The following COL22A1 variants were observed in gnomAD, a reference collection of about 807,000 sequenced individuals.
COL22A1 encodes collagen type XXII alpha 1 chain.
COL22A1 carries 221 observed loss-of-function variants against 248.9 expected under a neutral mutation model. The ratio of observed to expected loss-of-function variants is 0.89; its 90% confidence interval spans 0.80 to 0.99. The LOEUF (loss-of-function observed/expected upper bound fraction) is 0.99, where lower values mean the gene tolerates loss of function less well. Among genes scored for constraint, COL22A1 ranks in the 50% least tolerant of loss-of-function variants. COL22A1 has a pLI of 0.00. For synonymous variants in COL22A1, 891 were observed against 793.4 expected, an observed-to-expected ratio of 1.12 and a Z score of -2.07; for missense variants, 2,240 against 2,179.0, an observed-to-expected ratio of 1.03 and a Z score of -0.56.
chr8:138,906,186 C>T (rs185961969), intron 1 of COL22A1, among the ~76,000 whole-genome samples: 344 of 152,118 alleles, frequency 2.3e-3, no homozygotes, highest in Middle Eastern at 6.8e-3. Flanking sequence ...CTGGCTGACA[C>T]GGTGAAACCC....
intron 41 of COL22A1, among the ~76,000 whole-genome samples, chr8:138,670,976 A>AG (rs1824975245): frequency 6.7e-6 from 1 of 149,688 alleles, no homozygotes; most frequent in Admixed American, 6.7e-5. Context: ...AAAAAAAAAA[A>AG]AAAAAAAAAA....
At chr8:138,870,761 A>G (rs993498165) in intron 3 of COL22A1, among the ~76,000 whole-genome samples, 6 of 150,452 alleles carry the variant, frequency 4.0e-5, no homozygotes, top group African/African-American at 1.5e-4. Flanking sequence ...GTATGCATAT[A>G]GTATACATGG....
chr8:138,802,765 CT>C, intron 11 of COL22A1, 106 bp downstream of exon 11: 1 of 865,866 alleles, frequency 1.2e-6, no homozygotes, highest in Non-Finnish European at 2.0e-6. Context: ...TGCCTGGCCC[CT>C]GCCAGGTATT....
chr8:138,667,413 A>G (rs1028179315), intron 41 of COL22A1, among the ~76,000 whole-genome samples: 9 of 152,216 alleles, frequency 5.9e-5, no homozygotes, highest in African/African-American at 2.2e-4. Flanking sequence ...ATCGACTTAA[A>G]TAGACCCCCA....
rs539106781 is a variant in COL22A1 at position 138,707,043 on chromosome 8, T to C, written c.2518-3696A>G. Among the ~76,000 whole-genome samples the C allele has an allele frequency of 2.5e-4, 38 of 152,058 alleles. 1 individual carries two copies. The highest frequency in any genetic ancestry group is 4.4e-5 in the Non-Finnish European group (3 of 68,014). ...GATAAACTAGAAAATCTAGAAGAAA[T>C]GGATAAACTCCTGGACACATACGCC... On this transcript the variant is annotated intron_variant, in intron 30 of 64. Coordinates refer to ENST00000303045, the MANE Select transcript of COL22A1 (RefSeq NM_152888.3).
chr8:138,766,751 G>T (rs949159044), intron 16 of COL22A1, among the ~76,000 whole-genome samples: 2 of 152,156 alleles, frequency 1.3e-5, no homozygotes, highest in Non-Finnish European at 2.9e-5. Context: ...TTCAGAGTGC[G>T]GTCTCAAGCT....
In COL22A1 at chr8:138,631,135, A is replaced by G. The variant is rs559533710; in HGVS notation, c.3610-387T>C. Among the ~76,000 whole-genome samples the G allele has an allele frequency of 2.1e-4, 32 of 152,356 alleles. 1 individual carries two copies. Among genetic ancestry groups the G allele is most frequent in the South Asian group, 8.3e-4 (4 of 4,828 alleles). On this transcript the variant is annotated intron_variant, in intron 49 of 64. Coordinates refer to ENST00000303045, the MANE Select transcript of COL22A1 (RefSeq NM_152888.3). ...CAGAAGTCAAGAAGATGCTGGTATCATGCTTGTACAGTCTACAGAACTGAG... is the reference window on the plus strand; with the variant it reads ...CAGAAGTCAAGAAGATGCTGGTATCGTGCTTGTACAGTCTACAGAACTGAG...
intron 4 of COL22A1, among the ~76,000 whole-genome samples, chr8:138,834,921 G>C (rs1277623325): frequency 6.6e-6 from 1 of 152,150 alleles, no homozygotes; most frequent in Non-Finnish European, 1.5e-5. Context: ...AGGAGAACTG[G>C]AACTTGTGGG....
intron 6 of COL22A1, among the ~76,000 whole-genome samples, chr8:138,821,968 G>A (rs1176280825): frequency 1.3e-5 from 2 of 152,258 alleles, no homozygotes; most frequent in Non-Finnish European, 1.5e-5. Flanking sequence ...GGTAGCCTTC[G>A]GAAAATGCAC....
intron 4 of COL22A1, among the ~76,000 whole-genome samples, chr8:138,839,834 G>A (rs149735705): frequency 2.0e-5 from 3 of 152,324 alleles, no homozygotes; most frequent in African/African-American, 4.8e-5. Context: ...GTTGCCTAAC[G>A]CTTTTATTGG....
intron 3 of COL22A1, among the ~76,000 whole-genome samples, chr8:138,872,687 CT>C (rs1299245893): frequency 6.6e-6 from 1 of 152,246 alleles, no homozygotes; most frequent in Non-Finnish European, 1.5e-5. Context: ...ATTGCTTCCC[CT>C]GGGAGCCTCT....
At chr8:138,890,316 A>G (rs1483414287) in intron 1 of COL22A1, among the ~76,000 whole-genome samples, 5 of 152,200 alleles carry the variant, frequency 3.3e-5, no homozygotes. Context: ...CCAAGAACAA[A>G]ACAAGGATGC....
intron 12 of COL22A1, among the ~76,000 whole-genome samples, chr8:138,788,494 C>T (rs71532177): frequency 0.026 from 3,894 of 152,164 alleles, 73 homozygotes; most frequent in South Asian, 0.042. Flanking sequence ...CTTGTAAATA[C>T]GAGGTACTAT....
At chr8:138,630,234 G>C (rs1001662828) in intron 50 of COL22A1, among the ~76,000 whole-genome samples, 13 of 152,170 alleles carry the variant, frequency 8.5e-5, no homozygotes, top group Non-Finnish European at 1.2e-4. Flanking sequence ...TCCTGGACTA[G>C]TGACTTCTTT....
intron 27 of COL22A1, among the ~76,000 whole-genome samples, chr8:138,717,258 C>A (rs1406126581): frequency 6.6e-6 from 1 of 152,094 alleles, no homozygotes; most frequent in Non-Finnish European, 1.5e-5. Flanking sequence ...CACCATTCTC[C>A]CACCTCAGCC....
chr8:138,637,329 C>T (rs967470733), intron 47 of COL22A1, among the ~76,000 whole-genome samples: 13 of 152,132 alleles, frequency 8.5e-5, no homozygotes, highest in African/African-American at 3.1e-4. Flanking sequence ...TGGTGGCCAG[C>T]AGGAGCAGCA....
intron 3 of COL22A1, among the ~76,000 whole-genome samples, chr8:138,858,673 C>T (rs540698315): frequency 1.3e-5 from 2 of 152,328 alleles, no homozygotes; most frequent in Non-Finnish European, 2.9e-5. Context: ...TGAAGATCCC[C>T]AGGGTCTTTA....
chr8:138,851,588 G>A (rs1488163915), intron 3 of COL22A1, among the ~76,000 whole-genome samples: 1 of 152,178 alleles, frequency 6.6e-6, no homozygotes, highest in Non-Finnish European at 1.5e-5. Flanking sequence ...CCAGGGAATG[G>A]CTCAAGAACC....
chr8:138,889,184 C>T (rs1389769630), intron 1 of COL22A1, among the ~76,000 whole-genome samples: 1 of 151,310 alleles, frequency 6.6e-6, no homozygotes, highest in African/African-American at 2.4e-5. Context: ...AAAGAAGGGA[C>T]TGGGGCTGAA....
Sources: gnomAD v4.1 joint callset for allele counts (sites outside exome capture counted in the v4.1 genomes callset) on GRCh38, gnomAD v4.1.1 for gene constraint, MANE v1.5 for transcripts, NCBI Gene and HGNC (gene_info 2026-07-23, HGNC 2026-07-21) for gene names.